CTSO: variants seen among roughly 807,000 people sequenced by gnomAD.
CTSO encodes the protein cathepsin O.
A neutral mutation model predicts 42.4 loss-of-function variants in CTSO; 40 were observed. That is an observed-to-expected ratio of 0.94 (90% confidence interval 0.73 to 1.23). The LOEUF (loss-of-function observed/expected upper bound fraction) is 1.23. CTSO is among the 50% of genes most tolerant of loss of function. The pLI is 0.00. For synonymous variants in CTSO, 156 were observed against 146.2 expected, an observed-to-expected ratio of 1.07 and a Z score of -0.48; for missense variants, 441 against 396.0, an observed-to-expected ratio of 1.11 and a Z score of -0.96.
At chr4:155,949,429 C>G (rs80113361) in intron 1 of CTSO, among the ~76,000 whole-genome samples, 1 of 152,048 alleles carries the variant, frequency 6.6e-6, no homozygotes, top group Non-Finnish European at 1.5e-5. Flanking sequence ...TATCAATATA[C>G]GCAATGATGT....
rs1246491826 is a variant in CTSO at position 155,950,394 on chromosome 4, TTAAA to T, written c.135+3315_135+3318del. Among the ~76,000 whole-genome samples, 4 of 152,308 alleles carry T rather than the reference TTAAA, an allele frequency of 2.6e-5. No homozygotes were observed. In the East Asian group the frequency reaches 7.7e-4, roughly 29 times the overall value. On this transcript the variant is annotated intron_variant, in intron 1 of 7. Coordinates refer to ENST00000433477, the MANE Select transcript of CTSO (RefSeq NM_001334.3). ...ACCAGTTCTTTAGACACAGTGGAAA[TTAAA>T]TAAAGTATTGGATAAATGTATGGGA...
At chr4:155,936,342 C>T (rs561696584) in intron 5 of CTSO, among the ~76,000 whole-genome samples, 6 of 152,260 alleles carry the variant, frequency 3.9e-5, no homozygotes, top group East Asian at 1.9e-4. Context: ...CTCATTTAAA[C>T]GGGTACATTT....
chr4:155,952,542 G>A (rs369883835), intron 1 of CTSO, among the ~76,000 whole-genome samples: 1 of 152,220 alleles, frequency 6.6e-6, no homozygotes, highest in East Asian at 1.9e-4. Flanking sequence ...GAGGATAGGG[G>A]TAGAATACAG....
chr4:155,935,334 G>A (rs577317682), intron 5 of CTSO, among the ~76,000 whole-genome samples: 5 of 152,160 alleles, frequency 3.3e-5, no homozygotes, highest in African/African-American at 1.2e-4. Context: ...GACTAATACA[G>A]GGACAGTATG....
intron 5 of CTSO, among the ~76,000 whole-genome samples, chr4:155,929,940 G>T (rs957910766): frequency 1.3e-5 from 2 of 152,142 alleles, no homozygotes; most frequent in African/African-American, 2.4e-5. Context: ...TCCATTTTCA[G>T]GGTCCATTCA....
chr4:155,938,058 T>G (rs1386012991), intron 4 of CTSO, among the ~76,000 whole-genome samples: 1 of 152,186 alleles, frequency 6.6e-6, no homozygotes, highest in Non-Finnish European at 1.5e-5. Flanking sequence ...ATGGATCTAG[T>G]AACAGTCTTG....
At chr4:155,927,263 C>A (rs1206301095) in intron 7 of CTSO, among the ~76,000 whole-genome samples, 1 of 152,078 alleles carries the variant, frequency 6.6e-6, no homozygotes, top group East Asian at 1.9e-4. Flanking sequence ...CTGAAAGATT[C>A]TGCATTTAAA....
chr4:155,952,026 C>T (rs10005054), intron 1 of CTSO, among the ~76,000 whole-genome samples: 11 of 152,128 alleles, frequency 7.2e-5, no homozygotes, highest in Admixed American at 3.3e-4. Flanking sequence ...AACTAAGCAC[C>T]GAGAGGTGTT....
chr4:155,950,769 G>T (rs942548037), intron 1 of CTSO, among the ~76,000 whole-genome samples: 2 of 151,896 alleles, frequency 1.3e-5, no homozygotes, highest in African/African-American at 2.4e-5. Context: ...GATCTAGTTT[G>T]CACAGTCCTT....
chr4:155,929,909 T>C (rs965280956), intron 5 of CTSO, among the ~76,000 whole-genome samples: 3 of 152,182 alleles, frequency 2.0e-5, no homozygotes, highest in African/African-American at 7.2e-5. Context: ...TTCTCTATCA[T>C]TGTCCTGCTA....
chr4:155,948,122 C>A (rs894127945), intron 1 of CTSO, among the ~76,000 whole-genome samples: 27 of 152,018 alleles, frequency 1.8e-4, no homozygotes, highest in African/African-American at 6.5e-4. Context: ...AAGGGAGATA[C>A]CAGATTCCTG....
chr4:155,944,897 A>G (rs1052667152), intron 1 of CTSO, among the ~76,000 whole-genome samples: 3 of 150,684 alleles, frequency 2.0e-5, no homozygotes, highest in Non-Finnish European at 4.4e-5. Flanking sequence ...CATTGCAATC[A>G]GATAGCTCTA....
intron 5 of CTSO, among the ~76,000 whole-genome samples, chr4:155,934,889 C>T (rs1476461253): frequency 3.3e-5 from 5 of 152,118 alleles, no homozygotes; most frequent in African/African-American, 1.2e-4. Context: ...CGGGTTAATG[C>T]TGAAATGAGT....
At chr4:155,944,598 C>A (rs1743506878) in intron 1 of CTSO, among the ~76,000 whole-genome samples, 1 of 152,102 alleles carries the variant, frequency 6.6e-6, no homozygotes. Context: ...AATGTGGCAG[C>A]CATGAGAATG....
chr4:155,940,375 C>G (rs1279136390), intron 3 of CTSO, among the ~76,000 whole-genome samples: 1 of 148,762 alleles, frequency 6.7e-6, no homozygotes, highest in Non-Finnish European at 1.5e-5. Context: ...ACTGGAGGGC[C>G]ATGTGTGGCA....
chr4:155,942,887 A>AAAACTGCAG (rs1243801207), intron 2 of CTSO, among the ~76,000 whole-genome samples: 2 of 152,170 alleles, frequency 1.3e-5, no homozygotes, highest in Non-Finnish European at 2.9e-5. Flanking sequence ...AAAGCACTAG[A>AAAACTGCAG]AAACTGCAGA....
intron 6 of CTSO, among the ~76,000 whole-genome samples, chr4:155,928,669 T>G (rs1019008729): frequency 6.6e-6 from 1 of 152,132 alleles, no homozygotes; most frequent in Non-Finnish European, 1.5e-5. Context: ...ATACAGGGAC[T>G]GCATAAAATG....
chr4:155,943,408 C>A, intron 1 of CTSO, 144 bp from the exon 2 acceptor site: 2 of 494,414 alleles, frequency 4.0e-6, no homozygotes, highest in Non-Finnish European at 7.3e-6. Flanking sequence ...TATAAGATAT[C>A]CATAGGAGAT....
intron 5 of CTSO, among the ~76,000 whole-genome samples, chr4:155,935,905 A>G (rs908303945): frequency 1.3e-5 from 2 of 152,138 alleles, no homozygotes. Flanking sequence ...TTCCTTCCTA[A>G]TCAAAGGCCC....
Sources: allele counts gnomAD v4.1 joint callset (sites outside exome capture counted in the v4.1 genomes callset), GRCh38; gene constraint gnomAD v4.1.1; transcripts MANE v1.5; gene names NCBI Gene and HGNC (gene_info 2026-07-23, HGNC 2026-07-21).